CPED1: variants seen among roughly 807,000 people sequenced by gnomAD.
CPED1 encodes the protein cadherin-like and PC-esterase domain-containing protein 1.
CPED1 carries 114 observed loss-of-function variants against 128.2 expected under a neutral mutation model. The ratio of observed to expected loss-of-function variants is 0.89; its 90% confidence interval spans 0.76 to 1.04. The LOEUF is 1.04. Among genes scored for constraint, CPED1 ranks in the 50% least tolerant of loss-of-function variants. CPED1 has a pLI of 0.00. For missense variants in CPED1, 1,211 were observed against 1,207.1 expected (o/e 1.00, Z -0.05); for synonymous variants, 462 against 426.7 (o/e 1.08, Z -1.02).
chr7:121,289,290 T>C (rs187849799), intron 22 of CPED1, among the ~76,000 whole-genome samples: 1 of 152,212 alleles, frequency 6.6e-6, no homozygotes, highest in Admixed American at 6.5e-5. Context: ...AAACATATTA[T>C]TGTTTCATTT....
chr7:121,202,729 A>G (rs1413990654), intron 16 of CPED1, among the ~76,000 whole-genome samples: 1 of 152,108 alleles, frequency 6.6e-6, no homozygotes, highest in Non-Finnish European at 1.5e-5. Context: ...ACCTTGCAGT[A>G]GTGAGCAGTC....
At chr7:121,206,866 C>T (rs2116580910) in intron 16 of CPED1, among the ~76,000 whole-genome samples, 1 of 152,088 alleles carries the variant, frequency 6.6e-6, no homozygotes, top group Middle Eastern at 3.4e-3. Flanking sequence ...CATACTCAGT[C>T]ACACTATGCT....
rs1295934392 is a variant in CPED1, at chr7:121,189,781, TATATATATATATATATAA to T, written c.2056-46931_2056-46914del. ...GGTTTTATATATATATATATATATATATATATATATATATATAAAATTTGTATTTATTGCCTATTTTAT... is the reference window on the plus strand; with the variant it reads ...GGTTTTATATATATATATATATATATAATTTGTATTTATTGCCTATTTTAT... On this transcript the variant is annotated intron_variant, in intron 16 of 22. Transcript: ENST00000310396. Among the ~76,000 whole-genome samples, 52 of 84,080 alleles carry T rather than the reference TATATATATATATATATAA, an allele frequency of 6.2e-4. 1 individual carries two copies. The East Asian group carries it at 8.3e-3, about 13-fold the overall frequency. 55.2% of individuals were successfully genotyped at this position (84,080 alleles called of 152,430 possible). A position where few individuals can be genotyped will look rare whatever the true frequency, so the allele number is the denominator to read the frequency against.
intron 16 of CPED1, among the ~76,000 whole-genome samples, chr7:121,160,919 C>T (rs1343988258): frequency 6.6e-6 from 1 of 152,032 alleles, no homozygotes; most frequent in African/African-American, 2.4e-5. Context: ...TTTGAGGCTA[C>T]CCCCCAACAA....
At chr7:120,992,400 T>C (rs1474586435) in intron 2 of CPED1, among the ~76,000 whole-genome samples, 1 of 152,200 alleles carries the variant, frequency 6.6e-6, no homozygotes, top group Non-Finnish European at 1.5e-5. Context: ...GTATGAAATG[T>C]ATACATCCAT....
chr7:121,143,872 T>C (rs1185287975), intron 16 of CPED1, among the ~76,000 whole-genome samples: 1 of 151,972 alleles, frequency 6.6e-6, no homozygotes, highest in African/African-American at 2.4e-5. Flanking sequence ...AATCTTCGTA[T>C]TGGTTTTATT....
intron 22 of CPED1, among the ~76,000 whole-genome samples, chr7:121,292,520 A>G (rs939702461): frequency 2.6e-5 from 4 of 151,800 alleles, no homozygotes; most frequent in Non-Finnish European, 5.9e-5. Flanking sequence ...ACTTCTGTCA[A>G]TTTGTCAAAC....
chr7:121,195,673 A>G (rs1358616501), intron 16 of CPED1, among the ~76,000 whole-genome samples: 1 of 152,190 alleles, frequency 6.6e-6, no homozygotes, highest in South Asian at 2.1e-4. Flanking sequence ...AAATTTACAC[A>G]CATATCTAAG....
At chr7:121,061,242 CT>C in intron 4 of CPED1, 2 of 923,802 alleles carry the variant, frequency 2.2e-6, no homozygotes, top group Non-Finnish European at 2.6e-6. Context: ...TGCATATTCC[CT>C]TTTTCAAAAA....
intron 3 of CPED1, among the ~76,000 whole-genome samples, chr7:121,042,078 A>C (rs1793071868): frequency 6.6e-6 from 1 of 151,938 alleles, no homozygotes; most frequent in Non-Finnish European, 1.5e-5. Flanking sequence ...GGTAAGCCTG[A>C]TCAGGAAGTT....
intron 22 of CPED1, among the ~76,000 whole-genome samples, chr7:121,278,249 A>G (rs747468563): frequency 1.4e-4 from 21 of 152,168 alleles, no homozygotes; most frequent in Non-Finnish European, 2.9e-4. Context: ...GAGACAGAAT[A>G]AAAATACAGG....
intron 22 of CPED1, among the ~76,000 whole-genome samples, chr7:121,282,436 C>T (rs1357560622): frequency 6.6e-6 from 1 of 152,144 alleles, no homozygotes; most frequent in Non-Finnish European, 1.5e-5. Flanking sequence ...CACATTTCCA[C>T]CCATGAGATC....
At chr7:121,201,625 A>G (rs1421832017) in intron 16 of CPED1, among the ~76,000 whole-genome samples, 1 of 152,114 alleles carries the variant, frequency 6.6e-6, no homozygotes, top group East Asian at 1.9e-4. Flanking sequence ...TCTCACACCT[A>G]GGTAGGGAGC....
intron 16 of CPED1, among the ~76,000 whole-genome samples, chr7:121,235,306 A>G (rs948859698): frequency 6.6e-6 from 1 of 152,056 alleles, no homozygotes; most frequent in Non-Finnish European, 1.5e-5. Flanking sequence ...AAGCACTTTA[A>G]TACAAATCAT....
chr7:121,135,409 TC>T lies in CPED1; in HGVS notation c.1649-630del, dbSNP rs1196437696. On this transcript the variant is annotated intron_variant, in intron 13 of 22. Transcript: ENST00000310396. ...GGGAAACCTAGCAATTCAGATCTAC[TC>T]AGTCAGAATCTCTGGTGATGAGACC... 5.3e-5 allele frequency among the ~76,000 whole-genome samples: 8 copies of T among 152,102 alleles called. No individual in the cohort carries two copies. In the East Asian group the frequency reaches 1.6e-3, roughly 29 times the overall value.
At chr7:121,122,189 G>T (rs1249421622) in intron 7 of CPED1, among the ~76,000 whole-genome samples, 1 of 136,478 alleles carries the variant, frequency 7.3e-6, no homozygotes, top group Non-Finnish European at 1.5e-5. Flanking sequence ...CACCCAGGCT[G>T]CAGTGCATTG....
chr7:120,994,464 G>C (rs1796359547), intron 2 of CPED1, among the ~76,000 whole-genome samples: 1 of 152,158 alleles, frequency 6.6e-6, no homozygotes, highest in Non-Finnish European at 1.5e-5. Context: ...CACGGTGATA[G>C]GAAACTGACA....
At chr7:121,158,415 G>A (rs1340561246) in intron 16 of CPED1, among the ~76,000 whole-genome samples, 4 of 152,138 alleles carry the variant, frequency 2.6e-5, no homozygotes, top group Non-Finnish European at 5.9e-5. Context: ...ACATGCCGCT[G>A]ATGAACAGCT....
At chr7:121,102,232 A>G (rs899955246) in intron 7 of CPED1, among the ~76,000 whole-genome samples, 1 of 151,796 alleles carries the variant, frequency 6.6e-6, no homozygotes, top group Non-Finnish European at 1.5e-5. Context: ...TTCCTCATCT[A>G]TCAGTTTTGG....
Sources: allele counts gnomAD v4.1 joint callset (sites outside exome capture counted in the v4.1 genomes callset), GRCh38; gene constraint gnomAD v4.1.1; transcripts MANE v1.5; gene names NCBI Gene and HGNC (gene_info 2026-07-23, HGNC 2026-07-21).